The following SPAG16 variants were observed in gnomAD, a reference collection of about 807,000 sequenced individuals.
SPAG16 encodes the protein sperm-associated antigen 16 protein.
SPAG16 carries 86 observed loss-of-function variants against 80.4 expected under a neutral mutation model. The ratio of observed to expected loss-of-function variants is 1.07; its 90% CI spans 0.90 to 1.28. SPAG16 has a LOEUF of 1.28. SPAG16 is among the 50% of genes most tolerant of loss of function. The pLI is 0.00. For synonymous variants in SPAG16, 294 were observed against 265.9 expected (o/e 1.11, Z -1.03); for missense variants, 870 against 765.3 (o/e 1.14, Z -1.61).
chr2:213,667,309 G>A (rs1434407278), intron 10 of SPAG16, among the ~76,000 whole-genome samples: 1 of 152,132 alleles, frequency 6.6e-6, no homozygotes, highest in Non-Finnish European at 1.5e-5. Flanking sequence ...TTTTGAAGCA[G>A]TTCCATAGAA....
At chr2:213,677,581 A>G (rs537299448) in intron 10 of SPAG16, among the ~76,000 whole-genome samples, 15 of 152,260 alleles carry the variant, frequency 9.9e-5, no homozygotes, top group African/African-American at 3.6e-4. Context: ...TCCTAAATAT[A>G]TATGCACCCA....
At chr2:213,657,948 T>C (rs1461148300) in intron 10 of SPAG16, among the ~76,000 whole-genome samples, 2 of 152,206 alleles carry the variant, frequency 1.3e-5, no homozygotes, top group Non-Finnish European at 2.9e-5. Flanking sequence ...CAGTCTACTA[T>C]GTGAATTAAC....
chr2:213,798,413 C>T (rs1298411558), intron 10 of SPAG16, among the ~76,000 whole-genome samples: 1 of 145,826 alleles, frequency 6.9e-6, no homozygotes, highest in East Asian at 2.1e-4. Flanking sequence ...ATCACCACAC[C>T]TGGCTAATTT....
intron 10 of SPAG16, among the ~76,000 whole-genome samples, chr2:213,640,126 T>G (rs1451944397): frequency 6.6e-6 from 1 of 152,142 alleles, no homozygotes; most frequent in African/African-American, 2.4e-5. Flanking sequence ...TCTCTGGAGA[T>G]TTTTTTCATC....
intron 13 of SPAG16, among the ~76,000 whole-genome samples, chr2:214,059,238 ATATG>A (rs1196245258): frequency 8.9e-6 from 1 of 112,684 alleles, no homozygotes; most frequent in South Asian, 2.9e-4. Context: ...ATATATATAT[ATATG>A]TATGTATATA....
At chr2:213,289,138 T>G (rs1056443578) in intron 1 of SPAG16, among the ~76,000 whole-genome samples, 10 of 152,216 alleles carry the variant, frequency 6.6e-5, no homozygotes, top group African/African-American at 2.2e-4. Context: ...GATTCTGCAT[T>G]GCTAAGAAGC....
In SPAG16 at chr2:213,709,269, A is replaced by C. The variant is rs139986109; in HGVS notation, c.1071-153216A>C. 9.5e-4 allele frequency among the ~76,000 whole-genome samples: 145 copies of C among 152,304 alleles called. 1 individual carries two copies. The highest frequency in any genetic ancestry group is 3.4e-3 in the Middle Eastern group (1 of 294). On this transcript the variant is annotated intron_variant, in intron 10 of 15. Coordinates refer to ENST00000331683, the MANE Select transcript of SPAG16 (RefSeq NM_024532.5). Reference sequence around the variant, plus strand: ...TCTTTGATCCTTTCTCGTTTGAAATATGGATGTAACAGGTGCAATGGAAAA... The same window carrying C: ...TCTTTGATCCTTTCTCGTTTGAAATCTGGATGTAACAGGTGCAATGGAAAA...
At chr2:213,666,145 A>G (rs561940768) in intron 10 of SPAG16, among the ~76,000 whole-genome samples, 2 of 152,270 alleles carry the variant, frequency 1.3e-5, no homozygotes, top group Non-Finnish European at 1.5e-5. Flanking sequence ...TCCTTTCTAC[A>G]TATTCCATAA....
intron 10 of SPAG16, among the ~76,000 whole-genome samples, chr2:213,611,834 C>T (rs1236789231): frequency 6.6e-6 from 1 of 152,034 alleles, no homozygotes; most frequent in Non-Finnish European, 1.5e-5. Flanking sequence ...ACAATTGAAA[C>T]CACAGATTTA....
intron 10 of SPAG16, among the ~76,000 whole-genome samples, chr2:213,832,590 G>C (rs2073733018): frequency 6.6e-6 from 1 of 152,022 alleles, no homozygotes; most frequent in African/African-American, 2.4e-5. Context: ...CTTTATTCCA[G>C]AGGAGTCCAG....
intron 10 of SPAG16, among the ~76,000 whole-genome samples, chr2:213,763,892 G>A (rs1359250553): frequency 6.6e-6 from 1 of 152,200 alleles, no homozygotes; most frequent in Non-Finnish European, 1.5e-5. Flanking sequence ...AAACTTTGAA[G>A]CAGCAGCTTT....
At chr2:213,434,218 C>T (rs960441755) in intron 9 of SPAG16, among the ~76,000 whole-genome samples, 1 of 152,188 alleles carries the variant, frequency 6.6e-6, no homozygotes, top group South Asian at 2.1e-4. Flanking sequence ...CCTCACCCAG[C>T]CAGGACACTG....
intron 15 of SPAG16, among the ~76,000 whole-genome samples, chr2:214,274,748 C>T (rs1001255964): frequency 2.0e-5 from 3 of 152,162 alleles, no homozygotes; most frequent in Non-Finnish European, 4.4e-5. Flanking sequence ...GGATATTGGT[C>T]TAAAATTCTC....
chr2:214,166,467 T>G (rs1229290269), intron 15 of SPAG16, among the ~76,000 whole-genome samples: 1 of 152,124 alleles, frequency 6.6e-6, no homozygotes, highest in Non-Finnish European at 1.5e-5. Flanking sequence ...CAGCTACAGC[T>G]CCCATCAGGC....
chr2:214,263,977 A>G (rs750519252), intron 15 of SPAG16, among the ~76,000 whole-genome samples: 2 of 152,232 alleles, frequency 1.3e-5, no homozygotes, highest in Admixed American at 1.3e-4. Flanking sequence ...ACAATTTATT[A>G]GAATTATTAA....
chr2:213,930,286 G>A, intron 12 of SPAG16, 141 bp downstream of exon 12: 1 of 508,704 alleles, frequency 2.0e-6, no homozygotes, highest in Non-Finnish European at 3.3e-6. Flanking sequence ...ATTATAGAGA[G>A]CTACTTAAAT....
chr2:213,903,204 G>A (rs780426530), intron 11 of SPAG16, among the ~76,000 whole-genome samples: 2 of 152,112 alleles, frequency 1.3e-5, no homozygotes, highest in Non-Finnish European at 2.9e-5. Context: ...AACTCCACTA[G>A]GCAGTGCCCC....
At chr2:214,285,549 C>T (rs539143831) in intron 15 of SPAG16, among the ~76,000 whole-genome samples, 2 of 152,242 alleles carry the variant, frequency 1.3e-5, no homozygotes, top group South Asian at 2.1e-4. Flanking sequence ...TGGCTCACAC[C>T]TGTAATCCTA....
intron 9 of SPAG16, among the ~76,000 whole-genome samples, chr2:213,479,265 C>T (rs1052284870): frequency 3.3e-5 from 5 of 151,992 alleles, no homozygotes; most frequent in African/African-American, 4.8e-5. Flanking sequence ...GAGGCCTCGC[C>T]AGATTGCCGC....
Sources: allele counts gnomAD v4.1 joint callset (sites outside exome capture counted in the v4.1 genomes callset), GRCh38; gene constraint gnomAD v4.1.1; transcripts MANE v1.5; gene names NCBI Gene and HGNC (gene_info 2026-07-23, HGNC 2026-07-21).